Variants in HIPK2 observed in about 807,000 individuals in gnomAD.
HIPK2 encodes the protein homeodomain-interacting protein kinase 2.
In HIPK2, 27 loss-of-function variants were observed where a neutral mutation model predicts 113.7. The observed-to-expected ratio is 0.24, with a 90% CI of 0.17 to 0.33. The LOEUF is 0.33. Ranked by LOEUF, HIPK2 falls within the 10% of genes least tolerant of loss-of-function variation. The pLI, the probability that HIPK2 is intolerant of heterozygous loss-of-function variation, is 1.00. For synonymous variants in HIPK2, 631 were observed against 642.2 expected, an observed-to-expected ratio of 0.98 and a Z score of 0.26; for missense variants, 1,257 against 1,588.0, an observed-to-expected ratio of 0.79 and a Z score of 3.54.
chr7:139,684,487 C>T (rs1014544889), intron 2 of HIPK2, among the ~76,000 whole-genome samples: 19 of 152,080 alleles, frequency 1.2e-4, no homozygotes, highest in Non-Finnish European at 1.9e-4. Flanking sequence ...GAGGCTAAGG[C>T]GGGAGGACTG....
intron 9 of HIPK2, among the ~76,000 whole-genome samples, chr7:139,611,410 A>T (rs1799813438): frequency 6.6e-6 from 1 of 152,244 alleles, no homozygotes; most frequent in Admixed American, 6.5e-5. Flanking sequence ...ATTACAAAAT[A>T]TATTAATATA....
chr7:139,596,670 A>T (rs756756143), intron 12 of HIPK2, 47 bp downstream of exon 12: 3 of 1,591,556 alleles, frequency 1.9e-6, no homozygotes, highest in Non-Finnish European at 2.6e-6. Flanking sequence ...CACACAATGC[A>T]AACCCTCCCG....
chr7:139,695,334 G>A lies in HIPK2; in HGVS notation c.1103+20598C>T, dbSNP rs930674535. Reference sequence around the variant, plus strand: ...CAGAACGGAGGGTTAGGCCTCACCGGAACTGCACGACTACTGTGTGGCCCG... The same window carrying A: ...CAGAACGGAGGGTTAGGCCTCACCGAAACTGCACGACTACTGTGTGGCCCG... On this transcript the variant is annotated intron_variant, in intron 2 of 14. Transcript: ENST00000406875. 1.1e-4 allele frequency among the ~76,000 whole-genome samples: 16 copies of A among 152,266 alleles called. No individual in the cohort carries two copies. The South Asian group carries it at 2.1e-3, about 20-fold the overall frequency.
chr7:139,618,880 G>A (rs959564843), intron 7 of HIPK2, among the ~76,000 whole-genome samples: 3 of 152,198 alleles, frequency 2.0e-5, no homozygotes, highest in African/African-American at 7.2e-5. Context: ...TGCCTCATGA[G>A]GGCTGGTGGG....
chr7:139,723,758 G>A (rs1795488165), intron 1 of HIPK2, among the ~76,000 whole-genome samples: 1 of 152,158 alleles, frequency 6.6e-6, no homozygotes, highest in Admixed American at 6.5e-5. Flanking sequence ...CTGAATTCTA[G>A]CAAAGCTCAA....
At chr7:139,769,216 C>A (rs1796607182) in intron 1 of HIPK2, among the ~76,000 whole-genome samples, 1 of 152,206 alleles carries the variant, frequency 6.6e-6, no homozygotes, top group Non-Finnish European at 1.5e-5. Flanking sequence ...TCCTGCACCA[C>A]CCCAACAGCA....
At chr7:139,638,531 C>A (rs916578456) in intron 2 of HIPK2, among the ~76,000 whole-genome samples, 2 of 152,074 alleles carry the variant, frequency 1.3e-5, no homozygotes, top group Non-Finnish European at 2.9e-5. Context: ...ATCAGAAATA[C>A]TTTAAACATA....
chr7:139,727,107 G>A (rs148367665), intron 1 of HIPK2, among the ~76,000 whole-genome samples: 14 of 152,324 alleles, frequency 9.2e-5, no homozygotes, highest in East Asian at 3.9e-4. Flanking sequence ...TGGAGTCCCC[G>A]TGGGTAAAGC....
At chr7:139,750,898 A>C (rs115513511) in intron 1 of HIPK2, among the ~76,000 whole-genome samples, 202 of 152,328 alleles carry the variant, frequency 1.3e-3, no homozygotes, top group African/African-American at 4.6e-3. Flanking sequence ...GAATGACCGC[A>C]GCGACCACAT....
chr7:139,727,411 T>A (rs1249980542), intron 1 of HIPK2, among the ~76,000 whole-genome samples: 1 of 152,194 alleles, frequency 6.6e-6, no homozygotes, highest in Non-Finnish European at 1.5e-5. Context: ...TCACGCCTCC[T>A]GCTCTTCCAA....
At chr7:139,636,588 AAG>A (rs561201605) in intron 2 of HIPK2, among the ~76,000 whole-genome samples, 1 of 152,144 alleles carries the variant, frequency 6.6e-6, no homozygotes, top group South Asian at 2.1e-4. Context: ...AAAAGGGAGG[AAG>A]AGATTGGAGT....
chr7:139,754,509 T>A (rs952409114), intron 1 of HIPK2, among the ~76,000 whole-genome samples: 1 of 152,184 alleles, frequency 6.6e-6, no homozygotes, highest in African/African-American at 2.4e-5. Flanking sequence ...CAGGTTAGAA[T>A]ATAGATACAT....
At chr7:139,749,277 C>T (rs888400071) in intron 1 of HIPK2, among the ~76,000 whole-genome samples, 1 of 152,250 alleles carries the variant, frequency 6.6e-6, no homozygotes, top group African/African-American at 2.4e-5. Context: ...GAAAGCTATC[C>T]ACCAGCACAG....
chr7:139,681,941 G>A (rs1802715498), intron 2 of HIPK2, among the ~76,000 whole-genome samples: 1 of 152,190 alleles, frequency 6.6e-6, no homozygotes, highest in African/African-American at 2.4e-5. Flanking sequence ...GGCCTGGCCT[G>A]AGTGGGCTCT....
chr7:139,726,739 G>T (rs1795587893), intron 1 of HIPK2, among the ~76,000 whole-genome samples: 1 of 152,192 alleles, frequency 6.6e-6, no homozygotes. Flanking sequence ...GGCTGGGCCT[G>T]CATGGGATTA....
intron 2 of HIPK2, among the ~76,000 whole-genome samples, chr7:139,675,052 AT>A (rs570179127): frequency 1.4e-4 from 21 of 152,290 alleles, no homozygotes; most frequent in Non-Finnish European, 2.8e-4. Context: ...TTTTAGTTCT[AT>A]TGTACCAAAA....
intron 1 of HIPK2, among the ~76,000 whole-genome samples, chr7:139,726,164 G>C (rs1047723856): frequency 2.0e-5 from 3 of 152,204 alleles, no homozygotes; most frequent in African/African-American, 7.2e-5. Flanking sequence ...CCTATTTAAA[G>C]AGGTAACCAC....
chr7:139,623,986 G>C (rs1289069218), intron 6 of HIPK2, among the ~76,000 whole-genome samples: 1 of 151,520 alleles, frequency 6.6e-6, no homozygotes, highest in Non-Finnish European at 1.5e-5. Flanking sequence ...AGAGGCTGAA[G>C]TGAGACCCTC....
At position 139,719,676 on chromosome 7, in the gene HIPK2, A is replaced by G. The variant is rs896922706; in HGVS notation, c.20-2661T>C. ...TAACATCTCCATGACTGTTCTAGTC[A>G]CTTGGCTCCAAAACTATGAACTATG... On this transcript the variant is annotated intron_variant, in intron 1 of 14. Coordinates refer to ENST00000406875, the MANE Select transcript of HIPK2 (RefSeq NM_022740.5). Among the ~76,000 whole-genome samples, 12 of 152,368 alleles carry G rather than the reference A, an allele frequency of 7.9e-5. No homozygotes were observed. The South Asian group carries it at 1.2e-3, about 16-fold the overall frequency.
Sources: gnomAD v4.1 joint callset for allele counts (sites outside exome capture counted in the v4.1 genomes callset) on GRCh38, gnomAD v4.1.1 for gene constraint, MANE v1.5 for transcripts, NCBI Gene and HGNC (gene_info 2026-07-23, HGNC 2026-07-21) for gene names.